MTA3: variants seen among roughly 807,000 people sequenced by gnomAD.
MTA3 encodes the protein metastasis-associated protein MTA3.
A neutral mutation model predicts 83.5 loss-of-function variants in MTA3; 34 were observed. That is an observed-to-expected ratio of 0.41 (90% confidence interval 0.31 to 0.54). MTA3 has a LOEUF of 0.54. Ranked by LOEUF, MTA3 falls within the 20% of genes least tolerant of loss-of-function variation. MTA3 has a pLI of 0.33. For missense variants in MTA3, 761 were observed against 726.4 expected (o/e 1.05, Z -0.55); for synonymous variants, 303 against 252.7 (o/e 1.20, Z -1.89).
chr2:42,593,146 C>G (rs1440028597), intron 3 of MTA3, among the ~76,000 whole-genome samples: 1 of 145,570 alleles, frequency 6.9e-6, no homozygotes, highest in Non-Finnish European at 1.5e-5. Context: ...GAGCAAGGCT[C>G]TGTCTCAAAA....
chr2:42,594,088 A>C (rs1249673679), intron 3 of MTA3, among the ~76,000 whole-genome samples: 1 of 151,568 alleles, frequency 6.6e-6, no homozygotes, highest in African/African-American at 2.4e-5. Flanking sequence ...AGTAGCTGGG[A>C]TTACAGGCGC....
At chr2:42,633,378 A>C (rs1406515818) in intron 4 of MTA3, among the ~76,000 whole-genome samples, 2 of 151,662 alleles carry the variant, frequency 1.3e-5, no homozygotes, top group Non-Finnish European at 2.9e-5. Flanking sequence ...TAGGAGTTTT[A>C]GACCAGTCTG....
At chr2:42,732,851 GT>G (rs1668328961) in intron 16 of MTA3, among the ~76,000 whole-genome samples, 1 of 152,212 alleles carries the variant, frequency 6.6e-6, no homozygotes, top group Non-Finnish European at 1.5e-5. Context: ...AATGCCACTA[GT>G]CTCTTTGCTG....
At chr2:42,695,250 G>T (rs114808947) in intron 9 of MTA3, among the ~76,000 whole-genome samples, 1 of 152,092 alleles carries the variant, frequency 6.6e-6, no homozygotes, top group African/African-American at 2.4e-5. Context: ...CTTGTTTGGG[G>T]TACCGTTTGC....
chr2:42,710,856 ATCACCTGAGG>A (rs1453963133), intron 14 of MTA3, among the ~76,000 whole-genome samples: 1 of 152,162 alleles, frequency 6.6e-6, no homozygotes, highest in African/African-American at 2.4e-5. Context: ...AAGTGGGCAG[ATCACCTGAGG>A]TCAGGAGTTA....
At chr2:42,581,768 T>C in intron 3 of MTA3, 1 of 293,706 alleles carries the variant, frequency 3.4e-6, no homozygotes, top group Non-Finnish European at 6.6e-6. Flanking sequence ...TATTTTATTT[T>C]ATTTTTATTT....
At chr2:42,722,326 C>A (rs1030603148) in intron 15 of MTA3, among the ~76,000 whole-genome samples, 1 of 152,200 alleles carries the variant, frequency 6.6e-6, no homozygotes, top group African/African-American at 2.4e-5. Flanking sequence ...TAAAGCATTT[C>A]ATCTACCTCT....
At chr2:42,572,276 C>CA (rs1050329697) in intron 2 of MTA3, among the ~76,000 whole-genome samples, 17 of 147,794 alleles carry the variant, frequency 1.2e-4, no homozygotes, top group East Asian at 2.0e-4. Context: ...GAGACTGTCT[C>CA]AAAAAAAAAA....
At chr2:42,647,027 G>T (rs1478771961) in intron 6 of MTA3, among the ~76,000 whole-genome samples, 1 of 150,942 alleles carries the variant, frequency 6.6e-6, no homozygotes, top group Non-Finnish European at 1.5e-5. Context: ...GTGGTGGCGG[G>T]CGCCTATAGT....
intron 16 of MTA3, among the ~76,000 whole-genome samples, chr2:42,747,711 A>ATTAT: frequency 6.6e-6 from 1 of 152,018 alleles, no homozygotes; most frequent in South Asian, 2.1e-4. Context: ...ATAACCAGTT[A>ATTAT]TTATGTAACT....
chr2:42,589,258 G>A (rs958724665), intron 3 of MTA3, among the ~76,000 whole-genome samples: 1 of 151,802 alleles, frequency 6.6e-6, no homozygotes, highest in African/African-American at 2.4e-5. Context: ...ATTTATGTCC[G>A]GTAAATGTTT....
intron 2 of MTA3, among the ~76,000 whole-genome samples, chr2:42,510,356 T>C (rs1272609251): frequency 6.7e-6 from 1 of 150,250 alleles, no homozygotes; most frequent in Non-Finnish European, 1.5e-5. Context: ...CTCGTTTAGC[T>C]GGCCCCAATC....
chr2:42,690,551 A>T (rs1692783787), intron 9 of MTA3, among the ~76,000 whole-genome samples: 1 of 150,684 alleles, frequency 6.6e-6, no homozygotes, highest in Non-Finnish European at 1.5e-5. Context: ...TTTGTTTTCC[A>T]TTAATTTTGA....
intron 3 of MTA3, among the ~76,000 whole-genome samples, chr2:42,594,728 A>ATTTTTT (rs1211133796): frequency 2.0e-3 from 47 of 24,024 alleles, no homozygotes; most frequent in African/African-American, 4.0e-3. Flanking sequence ...ATATATATAT[A>ATTTTTT]TTTTTTTTTT....
chr2:42,653,112 G>C lies in MTA3; in HGVS notation c.500-3088G>C, dbSNP rs556263259. ...AGGGTTAGGGCTAACATTTAAAATAGTTGCTGGGTCTACATTTCTTCACAA... is the reference window on the plus strand; with the variant it reads ...AGGGTTAGGGCTAACATTTAAAATACTTGCTGGGTCTACATTTCTTCACAA... On this transcript the variant is annotated intron_variant, in intron 6 of 16. Coordinates refer to ENST00000405094, the MANE Select transcript of MTA3 (RefSeq NM_001330442.2). Among the ~76,000 whole-genome samples the C allele has an allele frequency of 4.6e-5, 7 of 152,340 alleles. No homozygotes were observed. The South Asian group carries it at 1.4e-3, about 32-fold the overall frequency.
At chr2:42,741,011 C>G (rs934862543) in intron 16 of MTA3, among the ~76,000 whole-genome samples, 8 of 152,248 alleles carry the variant, frequency 5.3e-5, no homozygotes, top group Admixed American at 3.3e-4. Context: ...CATTGAAAAT[C>G]TGTTGTTTAG....
chr2:42,591,210 A>G (rs1680950330), intron 3 of MTA3, among the ~76,000 whole-genome samples: 1 of 152,222 alleles, frequency 6.6e-6, no homozygotes, highest in South Asian at 2.1e-4. Context: ...TACTGTATGC[A>G]GGTGTTACCC....
intron 2 of MTA3, among the ~76,000 whole-genome samples, chr2:42,556,167 T>C (rs893645253): frequency 5.9e-5 from 9 of 151,808 alleles, no homozygotes; most frequent in African/African-American, 2.2e-4. Flanking sequence ...GCCTGAGGCA[T>C]GCAGCCAGCC....
chr2:42,584,809 G>A (rs1680070882), intron 3 of MTA3, among the ~76,000 whole-genome samples: 1 of 152,072 alleles, frequency 6.6e-6, no homozygotes, highest in African/African-American at 2.4e-5. Flanking sequence ...TGAGGCTGCA[G>A]TGAGCTGTGT....
Sources: gnomAD v4.1 joint callset for allele counts (sites outside exome capture counted in the v4.1 genomes callset) on GRCh38, gnomAD v4.1.1 for gene constraint, MANE v1.5 for transcripts, NCBI Gene and HGNC (gene_info 2026-07-23, HGNC 2026-07-21) for gene names.